EXOC4: variants seen among roughly 807,000 people sequenced by gnomAD.
EXOC4 encodes SEC8-like 1.
EXOC4 carries 71 observed loss-of-function variants against 107.2 expected under a neutral mutation model. The ratio of observed to expected loss-of-function variants is 0.66; its 90% CI spans 0.55 to 0.81. The LOEUF (loss-of-function observed/expected upper bound fraction) is 0.81, where lower values mean the gene tolerates loss of function less well. Ranked by LOEUF, EXOC4 falls within the 30% of genes least tolerant of loss-of-function variation. EXOC4 has a pLI of 0.00. For synonymous variants in EXOC4, 456 were observed against 441.2 expected, an observed-to-expected ratio of 1.03 and a Z score of -0.42; for missense variants, 1,108 against 1,189.6, an observed-to-expected ratio of 0.93 and a Z score of 1.01.
At chr7:133,868,989 C>T (rs1798697579) in intron 11 of EXOC4, among the ~76,000 whole-genome samples, 1 of 152,040 alleles carries the variant, frequency 6.6e-6, no homozygotes, top group South Asian at 2.1e-4. Flanking sequence ...TCCCAGCAGG[C>T]ACCTGGAGGA....
At chr7:133,324,732 G>A (rs1193912826) in intron 5 of EXOC4, among the ~76,000 whole-genome samples, 2 of 152,158 alleles carry the variant, frequency 1.3e-5, no homozygotes, top group Non-Finnish European at 2.9e-5. Flanking sequence ...AGGTCTGCTT[G>A]GTGCAGAGCT....
chr7:133,858,664 G>A (rs1798470343), intron 11 of EXOC4, among the ~76,000 whole-genome samples: 1 of 152,178 alleles, frequency 6.6e-6, no homozygotes, highest in Non-Finnish European at 1.5e-5. Flanking sequence ...TGAGGATGGA[G>A]ACCTGGTATG....
At chr7:133,572,734 G>C (rs1801050930) in intron 9 of EXOC4, among the ~76,000 whole-genome samples, 1 of 152,082 alleles carries the variant, frequency 6.6e-6, no homozygotes, top group African/African-American at 2.4e-5. Flanking sequence ...GGAAGCTTTT[G>C]GGGTCCTTAA....
At chr7:134,067,628 T>TACACAC (rs1194588418), downstream of EXOC4, among the ~76,000 whole-genome samples, 1 of 43,094 alleles carries the variant, frequency 2.3e-5, no homozygotes, top group African/African-American at 6.0e-5. Context: ...CCAACTCTTA[T>TACACAC]ATATATATAT....
intron 7 of EXOC4, among the ~76,000 whole-genome samples, chr7:133,409,920 T>C (rs906129643): frequency 6.6e-6 from 1 of 152,218 alleles, no homozygotes; most frequent in Non-Finnish European, 1.5e-5. Flanking sequence ...TTGCATTTTT[T>C]TGTTTTTCAA....
At chr7:133,803,540 C>T (rs1237501642) in intron 10 of EXOC4, among the ~76,000 whole-genome samples, 1 of 152,086 alleles carries the variant, frequency 6.6e-6, no homozygotes, top group Non-Finnish European at 1.5e-5. Flanking sequence ...AATATCAGTT[C>T]TGCAGGAACT....
chr7:133,968,804 A>G (rs7781866), intron 14 of EXOC4, among the ~76,000 whole-genome samples: 115,962 of 151,996 alleles, frequency 0.76, 45,508 homozygotes, highest in African/African-American at 0.94. Flanking sequence ...TGGTGAATCT[A>G]ACAATTATGT....
chr7:133,545,144 C>T (rs1800456515), intron 9 of EXOC4, among the ~76,000 whole-genome samples: 1 of 151,842 alleles, frequency 6.6e-6, no homozygotes, highest in Non-Finnish European at 1.5e-5. Context: ...TTCTTTTCCT[C>T]CCCCACTCTT....
At chr7:133,917,449 C>T in intron 12 of EXOC4, 134 bp from the exon 13 acceptor site, 1 of 816,732 alleles carries the variant, frequency 1.2e-6, no homozygotes, top group East Asian at 2.5e-5. Flanking sequence ...TCATGGACTC[C>T]AACTTAGATA....
At chr7:134,073,285 C>G in the EXOC4 span, among the ~76,000 whole-genome samples, 3 of 145,358 alleles carry the variant, frequency 2.1e-5, no homozygotes, top group Non-Finnish European at 4.5e-5. Context: ...CTGTTACTTG[C>G]TGTATGTGGA....
intron 14 of EXOC4, among the ~76,000 whole-genome samples, chr7:133,977,484 G>T (rs1793865962): frequency 6.6e-6 from 1 of 152,116 alleles, no homozygotes; most frequent in South Asian, 2.1e-4. Flanking sequence ...TATATAGATT[G>T]TCCTCCCACT....
intron 10 of EXOC4, among the ~76,000 whole-genome samples, chr7:133,746,576 C>T (rs1321849538): frequency 6.6e-6 from 1 of 152,114 alleles, no homozygotes. Context: ...ATACGTGTTT[C>T]TTTGCCAGAG....
chr7:133,405,693 TA>T (rs1360006500), intron 7 of EXOC4, among the ~76,000 whole-genome samples: 6 of 152,152 alleles, frequency 3.9e-5, no homozygotes, highest in Non-Finnish European at 8.8e-5. Context: ...TTCCTATACA[TA>T]ACTATGATAA....
intron 9 of EXOC4, among the ~76,000 whole-genome samples, chr7:133,595,201 C>A (rs1801638808): frequency 6.6e-6 from 1 of 152,016 alleles, no homozygotes; most frequent in South Asian, 2.1e-4. Flanking sequence ...CAGGAACATG[C>A]AGGAGAATCA....
intron 9 of EXOC4, among the ~76,000 whole-genome samples, chr7:133,585,349 C>G (rs1158276797): frequency 6.6e-6 from 1 of 152,190 alleles, no homozygotes; most frequent in Non-Finnish European, 1.5e-5. Flanking sequence ...CACATGGTTA[C>G]TTTTTCTGAT....
chr7:133,918,525 G>GTAT (rs1799863294), intron 13 of EXOC4, among the ~76,000 whole-genome samples: 3 of 152,170 alleles, frequency 2.0e-5, no homozygotes, highest in African/African-American at 7.2e-5. Context: ...ATACAAATGT[G>GTAT]CTTCCTGTGT....
intron 9 of EXOC4, among the ~76,000 whole-genome samples, chr7:133,580,127 C>G (rs1050415697): frequency 6.6e-6 from 1 of 152,174 alleles, no homozygotes; most frequent in East Asian, 1.9e-4. Flanking sequence ...CACTATGTGT[C>G]AGAATTCCCT....
chr7:133,370,371 T>G (rs1450990627), intron 6 of EXOC4, among the ~76,000 whole-genome samples: 1 of 152,106 alleles, frequency 6.6e-6, no homozygotes, highest in Non-Finnish European at 1.5e-5. Flanking sequence ...GTGTAAAATA[T>G]ACATTGGTTT....
intron 14 of EXOC4, among the ~76,000 whole-genome samples, chr7:133,984,233 G>A (rs1034829475): frequency 9.9e-5 from 15 of 152,198 alleles, no homozygotes; most frequent in African/African-American, 3.4e-4. Context: ...AGTGTGTAGT[G>A]TGTACTCTTG....
Sources: gnomAD v4.1 joint callset for allele counts (sites outside exome capture counted in the v4.1 genomes callset) on GRCh38, gnomAD v4.1.1 for gene constraint, MANE v1.5 for transcripts, NCBI Gene and HGNC (gene_info 2026-07-23, HGNC 2026-07-21) for gene names.